DHX37: variants seen among roughly 807,000 people sequenced by gnomAD.
DHX37 encodes the protein DEAH-box helicase 37.
In DHX37, 52 loss-of-function variants were observed where a neutral mutation model predicts 134.3. The ratio of observed to expected loss-of-function variants is 0.39; its 90% CI spans 0.31 to 0.49. The LOEUF is 0.49. Ranked by LOEUF, DHX37 falls within the 20% of genes least tolerant of loss-of-function variation. The pLI, the probability that DHX37 is intolerant of heterozygous loss-of-function variation, is 0.93. For missense variants in DHX37, 1,344 were observed against 1,580.8 expected (o/e 0.85, Z 2.54); for synonymous variants, 634 against 670.7 (o/e 0.95, Z 0.85).
At position 124,976,571 on chromosome 12, in the gene DHX37, T is replaced by C. The variant is rs139508353; in HGVS notation, c.887+771A>G. On this transcript the variant is annotated intron_variant, in intron 5 of 26. Transcript: ENST00000308736. ...TTGGCCGGGTGCAGTGGCTCATGCC[T>C]GTAATCCCAGCACTTTGGGAGGCCG... Among the ~76,000 whole-genome samples the C allele has an allele frequency of 9.1e-3, 1,379 of 152,302 alleles. 20 individuals are homozygous for C. Among genetic ancestry groups the C allele is most frequent in the African/African-American group, 0.031 (1,273 of 41,550 alleles).
intron 18 of DHX37, 85 bp from the exon 19 acceptor site, chr12:124,954,296 A>G (rs930988286): frequency 1.5e-5 from 23 of 1,502,008 alleles, no homozygotes; most frequent in Non-Finnish European, 2.0e-5. Flanking sequence ...ATTCATCGGG[A>G]CAGGCTCAGA....
Position 124,980,912 on chromosome 12 carries a change from C to A in DHX37, c.390-74G>T. The A allele has an allele frequency of 6.7e-7, 1 of 1,481,706 alleles. No homozygotes were observed. The highest frequency in any genetic ancestry group is 1.3e-5 in the South Asian group (1 of 79,282). 91.8% of individuals were successfully genotyped at this position (1,481,706 alleles called of 1,614,324 possible). On this transcript the variant is annotated intron_variant, in intron 3 of 26. Coordinates refer to ENST00000308736, the MANE Select transcript of DHX37 (RefSeq NM_032656.4). This position sits in a 1 kb window ranked among gnomAD's most constrained non-coding sequence, Gnocchi z 5.3. ...AGAGGTCAGGACTCCAAGGCCATAC[C>A]CCTTTCTGCCTCAGGGACTTTGCAC...
At chr12:124,948,563 A>T in intron 25 of DHX37, 1 of 260,466 alleles carries the variant, frequency 3.8e-6, no homozygotes, top group Non-Finnish European at 7.5e-6. Context: ...CCTGGCTAAC[A>T]TGGTGAAACC....
chr12:124,971,257 G>T (rs1408592641), intron 8 of DHX37, 45 bp downstream of exon 8: 1 of 1,590,554 alleles, frequency 6.3e-7, no homozygotes. Context: ...AGAGCTGGGG[G>T]GGGCCTAGGG....
At chr12:124,950,350 G>A (rs957058336) in intron 23 of DHX37, 63 bp downstream of exon 23, 38 of 1,594,786 alleles carry the variant, frequency 2.4e-5, no homozygotes, top group Non-Finnish European at 3.0e-5. Context: ...GGACAGGACC[G>A]TGTGTCCGAG....
At chr12:124,969,468 T>TC (rs1156585826) in intron 8 of DHX37, among the ~76,000 whole-genome samples, 18 of 152,022 alleles carry the variant, frequency 1.2e-4, no homozygotes, top group African/African-American at 4.4e-4. Flanking sequence ...CCAAAGCACC[T>TC]CTGTGGGAGG....
chr12:124,973,078 G>C (rs1488865766), intron 6 of DHX37, among the ~76,000 whole-genome samples: 1 of 152,216 alleles, frequency 6.6e-6, no homozygotes, highest in Non-Finnish European at 1.5e-5. Context: ...AGAGGTTGAG[G>C]CTGCACTGAG....
intron 14 of DHX37, 122 bp downstream of exon 14, chr12:124,964,808 C>T: frequency 7.0e-7 from 1 of 1,433,602 alleles, no homozygotes; most frequent in Non-Finnish European, 9.4e-7. Context: ...CCCCAATATT[C>T]CTCAAAACTC....
At chr12:124,960,896 G>C (rs1954224269) in intron 15 of DHX37, among the ~76,000 whole-genome samples, 1 of 152,182 alleles carries the variant, frequency 6.6e-6, no homozygotes, top group South Asian at 2.1e-4. Context: ...CAAAGGTTGG[G>C]GTGAGCCAGA....
Position 124,972,604 on chromosome 12 carries a change from ATGGGCAGAGTT to A in DHX37, c.981-16_981-6del. On this transcript the variant is annotated splice_polypyrimidine_tract_variant and splice_region_variant and intron_variant, in intron 6 of 26. Coordinates refer to ENST00000308736, the MANE Select transcript of DHX37 (RefSeq NM_032656.4). ...CGGATCTGGTAGGAGACGACCCTGTATGGGCAGAGTTCGGGTTAGGGCAGAGCCGTGCCTGG... is the reference window on the plus strand; with the variant it reads ...CGGATCTGGTAGGAGACGACCCTGTACGGGTTAGGGCAGAGCCGTGCCTGG... 6.2e-7 allele frequency: 1 copy of A among 1,614,040 alleles called. No individual in the cohort carries two copies.
intron 18 of DHX37, among the ~76,000 whole-genome samples, chr12:124,956,230 G>A (rs7973169): frequency 0.15 from 22,309 of 152,158 alleles, 4,088 homozygotes; most frequent in African/African-American, 0.44. Flanking sequence ...CGTGAAAGGC[G>A]GTTTCAGGAG....
At chr12:124,955,862 C>T (rs914035691) in intron 18 of DHX37, among the ~76,000 whole-genome samples, 38 of 126,248 alleles carry the variant, frequency 3.0e-4, no homozygotes, top group African/African-American at 9.9e-4. Flanking sequence ...TTAGTGGCTG[C>T]GGTATGGAAT....
intron 1 of DHX37, among the ~76,000 whole-genome samples, chr12:124,986,710 CA>C (rs1230013452): frequency 4.0e-5 from 6 of 151,064 alleles, no homozygotes; most frequent in Admixed American, 2.6e-4. Context: ...GACTCCATCT[CA>C]AAAAAAAGAA....
intron 17 of DHX37, 39 bp downstream of exon 17, chr12:124,956,990 A>G (rs751678201): frequency 1.5e-5 from 23 of 1,525,304 alleles, no homozygotes; most frequent in Non-Finnish European, 2.0e-5. Context: ...GAGGGCCCTG[A>G]ACGGGGCAGG....
At chr12:124,986,907 CA>C (rs143398828) in intron 1 of DHX37, among the ~76,000 whole-genome samples, 7,722 of 151,840 alleles carry the variant, frequency 0.051, 505 homozygotes, top group East Asian at 0.17. Context: ...CACCACGCCC[CA>C]GCTAATTTTT....
chr12:124,980,073 G>A lies in DHX37; in HGVS notation c.738+417C>T, dbSNP rs1286498208. Among the ~76,000 whole-genome samples, 1 of 152,246 alleles carries A rather than the reference G, an allele frequency of 6.6e-6. No homozygotes were observed. The highest frequency in any genetic ancestry group is 6.5e-5 in the Admixed American group (1 of 15,288). ...AAGGAAACAGGCACAGAGAGGGGGA[G>A]CCCCTTCAGTAGCCGGAATATTCCC... On this transcript the variant is annotated intron_variant, in intron 4 of 26. Coordinates refer to ENST00000308736, the MANE Select transcript of DHX37 (RefSeq NM_032656.4). This position sits in a 1 kb window ranked among gnomAD's most constrained non-coding sequence, Gnocchi z 5.3.
chr12:124,988,849 C>A, intron 1 of DHX37, 68 bp downstream of exon 1: 1 of 1,048,968 alleles, frequency 9.5e-7, no homozygotes. Flanking sequence ...ACCCGAGAGT[C>A]CTGAAGGCAG....
At chr12:124,954,033 C>T (rs1230773745) in intron 19 of DHX37, 37 bp from the exon 20 acceptor site, 1 of 1,610,700 alleles carries the variant, frequency 6.2e-7, no homozygotes, top group South Asian at 1.1e-5. Flanking sequence ...TCTCTCTGAC[C>T]CATCCCAGAC....
At chr12:124,960,717 G>C (rs1459121525) in intron 15 of DHX37, among the ~76,000 whole-genome samples, 1 of 152,226 alleles carries the variant, frequency 6.6e-6, no homozygotes, top group East Asian at 1.9e-4. Context: ...ACTTTGGAAG[G>C]CTGGGGTGGG....
Sources: allele counts gnomAD v4.1 joint callset (sites outside exome capture counted in the v4.1 genomes callset), GRCh38; gene constraint gnomAD v4.1.1; non-coding constraint Gnocchi (gnomAD v3.1); transcripts MANE v1.5; gene names NCBI Gene and HGNC (gene_info 2026-07-23, HGNC 2026-07-21).